Variants in HMGCLL1 observed in about 807,000 individuals in gnomAD.
The protein encoded by HMGCLL1 is 3-hydroxy-3-methylglutaryl-CoA lyase like 1.
A neutral mutation model predicts 39.1 loss-of-function variants in HMGCLL1; 36 were observed. The ratio of observed to expected loss-of-function variants is 0.92; its 90% confidence interval spans 0.71 to 1.22. The LOEUF (loss-of-function observed/expected upper bound fraction) is 1.22. Among genes scored for constraint, HMGCLL1 ranks in the 50% most tolerant of loss-of-function variants. The pLI, the probability that HMGCLL1 is intolerant of heterozygous loss-of-function variation, is 0.00. For synonymous variants in HMGCLL1, 149 were observed against 144.0 expected (o/e 1.03, Z -0.25); for missense variants, 451 against 416.5 (o/e 1.08, Z -0.72).
chr6:55,592,397 T>A, the HMGCLL1 span, among the ~76,000 whole-genome samples: 1 of 152,110 alleles, frequency 6.6e-6, no homozygotes, highest in Non-Finnish European at 1.5e-5. Flanking sequence ...TTTACTAAGT[T>A]AGAATTAGTC....
At chr6:55,565,402 G>T (rs573574360) in intron 1 of HMGCLL1, among the ~76,000 whole-genome samples, 10 of 151,984 alleles carry the variant, frequency 6.6e-5, no homozygotes, top group Admixed American at 6.6e-4. Flanking sequence ...TAATTTTCCA[G>T]ATTCCTATTA....
intron 3 of HMGCLL1, among the ~76,000 whole-genome samples, chr6:55,531,393 C>A (rs1768662208): frequency 6.6e-6 from 1 of 152,122 alleles, no homozygotes; most frequent in Non-Finnish European, 1.5e-5. Flanking sequence ...TACATACAGA[C>A]CTTTCAAATG....
the HMGCLL1 span, among the ~76,000 whole-genome samples, chr6:55,647,990 A>T: frequency 3.5e-5 from 4 of 114,674 alleles, no homozygotes; most frequent in African/African-American, 1.4e-4. Context: ...TCATTGTTCA[A>T]TTCCCACCTA....
the HMGCLL1 span, among the ~76,000 whole-genome samples, chr6:55,663,863 G>T: frequency 6.6e-6 from 1 of 151,682 alleles, no homozygotes; most frequent in African/African-American, 2.4e-5. Context: ...TCCTGTGTTG[G>T]GTGCATATAT....
chr6:55,544,023 T>G (rs1404145377), intron 1 of HMGCLL1, among the ~76,000 whole-genome samples: 1 of 152,122 alleles, frequency 6.6e-6, no homozygotes, highest in African/African-American at 2.4e-5. Context: ...AATTTGCTGC[T>G]TATTTTTTCT....
At chr6:55,475,970 C>T (rs1268606042) in intron 7 of HMGCLL1, among the ~76,000 whole-genome samples, 1 of 151,638 alleles carries the variant, frequency 6.6e-6, no homozygotes, top group African/African-American at 2.4e-5. Flanking sequence ...ATTGCTATCA[C>T]ACATCTTAAT....
At chr6:55,461,099 T>C (rs1456098634) in intron 7 of HMGCLL1, among the ~76,000 whole-genome samples, 1 of 151,958 alleles carries the variant, frequency 6.6e-6, no homozygotes, top group Non-Finnish European at 1.5e-5. Flanking sequence ...AAAATCTAAC[T>C]TGTATCAAAT....
rs574580815 is a variant in HMGCLL1, at chr6:55,522,785, G to A, written c.298-6182C>T. Among the ~76,000 whole-genome samples, 3 of 152,108 alleles carry A rather than the reference G, an allele frequency of 2.0e-5. No homozygotes were observed. The South Asian group carries it at 6.2e-4, about 32-fold the overall frequency. On this transcript the variant is annotated intron_variant, in intron 3 of 8. Coordinates refer to ENST00000274901, the MANE Select transcript of HMGCLL1 (RefSeq NM_001042406.2). ...TATAAGTTTGCAAACTACAGAAGAG[G>A]AGAATGTTTTGGGTGGTTCTGTATT...
chr6:55,593,198 T>A, the HMGCLL1 span, among the ~76,000 whole-genome samples: 1 of 152,132 alleles, frequency 6.6e-6, no homozygotes, highest in African/African-American at 2.4e-5. Context: ...TGGGATCACA[T>A]CCTGACAGAA....
chr6:55,534,203 A>T lies in HMGCLL1; in HGVS notation c.297+7526T>A, dbSNP rs547281672. ...TGTTTATCTATCAACTGTACTTATT[A>T]TTTAACTATTAGTAAGAAAAAGCAT... On this transcript the variant is annotated intron_variant, in intron 3 of 8. Coordinates refer to ENST00000274901, the MANE Select transcript of HMGCLL1 (RefSeq NM_001042406.2). 2.1e-4 allele frequency among the ~76,000 whole-genome samples: 32 copies of T among 152,264 alleles called. 1 individual carries two copies. Among genetic ancestry groups the T allele is most frequent in the African/African-American group, 7.5e-4 (31 of 41,562 alleles).
chr6:55,622,339 T>A, the HMGCLL1 span, among the ~76,000 whole-genome samples: 1 of 152,224 alleles, frequency 6.6e-6, no homozygotes, highest in South Asian at 2.1e-4. Context: ...GCATCCTCGC[T>A]GTGTTCCAGA....
intron 3 of HMGCLL1, among the ~76,000 whole-genome samples, chr6:55,537,395 T>C (rs189637410): frequency 4.9e-4 from 74 of 152,302 alleles, no homozygotes; most frequent in Admixed American, 4.6e-3. Flanking sequence ...ATATATAACA[T>C]AGCCTTTAGC....
intron 3 of HMGCLL1, among the ~76,000 whole-genome samples, chr6:55,532,783 AAAGC>A (rs1288279589): frequency 8.7e-5 from 13 of 149,750 alleles, no homozygotes; most frequent in African/African-American, 3.0e-4. Flanking sequence ...CCTGGGCAAC[AAAGC>A]AAGACTCTGT....
intron 3 of HMGCLL1, among the ~76,000 whole-genome samples, chr6:55,528,853 C>T (rs766658092): frequency 6.6e-6 from 1 of 151,804 alleles, no homozygotes; most frequent in Admixed American, 6.6e-5. Flanking sequence ...TCAAGAGTGA[C>T]CAAAACAGGA....
At chr6:55,539,781 T>A (rs377458796) in intron 3 of HMGCLL1, among the ~76,000 whole-genome samples, 1 of 145,704 alleles carries the variant, frequency 6.9e-6, no homozygotes. Flanking sequence ...GATTAAATAA[T>A]CTGTACAACA....
the HMGCLL1 span, among the ~76,000 whole-genome samples, chr6:55,614,099 G>A: frequency 1.3e-4 from 20 of 151,814 alleles, no homozygotes; most frequent in Non-Finnish European, 2.4e-4. Flanking sequence ...TATTTGATTA[G>A]ATATATGTAA....
chr6:55,473,579 C>A (rs1472621605), intron 7 of HMGCLL1, among the ~76,000 whole-genome samples: 2 of 151,408 alleles, frequency 1.3e-5, no homozygotes, highest in Non-Finnish European at 3.0e-5. Context: ...TACACATATG[C>A]TACAATTACC....
At chr6:55,579,905 G>A (rs1329068835), upstream of HMGCLL1, among the ~76,000 whole-genome samples, 1 of 152,116 alleles carries the variant, frequency 6.6e-6, no homozygotes, top group East Asian at 1.9e-4. Context: ...CAGACCACCG[G>A]CCTACCTTCC....
At chr6:55,618,726 T>A in the HMGCLL1 span, among the ~76,000 whole-genome samples, 7 of 152,276 alleles carry the variant, frequency 4.6e-5, no homozygotes, top group African/African-American at 1.4e-4. Context: ...TTGTTAAAAG[T>A]AACTTTTTAG....
Sources: gnomAD v4.1 joint callset for allele counts (sites outside exome capture counted in the v4.1 genomes callset) on GRCh38, gnomAD v4.1.1 for gene constraint, MANE v1.5 for transcripts, NCBI Gene and HGNC (gene_info 2026-07-23, HGNC 2026-07-21) for gene names.